NCF4: variants seen among roughly 807,000 people sequenced by gnomAD.
NCF4 encodes the protein neutrophil cytosolic factor 4.
In NCF4, 30 loss-of-function variants were observed where a neutral mutation model predicts 41.7. The observed-to-expected ratio is 0.72, with a 90% CI of 0.54 to 0.97. The LOEUF is 0.97. NCF4 is among the 50% of genes least tolerant of loss of function. NCF4 has a pLI of 0.00. For missense variants in NCF4, 432 were observed against 460.9 expected, an observed-to-expected ratio of 0.94 and a Z score of 0.57; for synonymous variants, 195 against 175.8, an observed-to-expected ratio of 1.11 and a Z score of -0.87.
At chr22:36,863,093 C>G (rs1939818193) in intron 1 of NCF4, among the ~76,000 whole-genome samples, 1 of 152,160 alleles carries the variant, frequency 6.6e-6, no homozygotes, top group South Asian at 2.1e-4. Context: ...TTGCCCGCCC[C>G]ACAGGCAGCC....
At chr22:36,861,993 C>G (rs1425452339) in intron 1 of NCF4, among the ~76,000 whole-genome samples, 1 of 152,242 alleles carries the variant, frequency 6.6e-6, no homozygotes, top group South Asian at 2.1e-4. Context: ...AAGAGACTTA[C>G]TCAGGGTCAC....
At position 36,867,474 on chromosome 22, in the gene NCF4, C is replaced by A. The variant is rs367636183; in HGVS notation, c.342+12C>A. On this transcript the variant is annotated intron_variant, in intron 4 of 9. Transcript: ENST00000248899. ...ACGCCTACATGAAGGTACCAGTGGG[C>A]CTTGCCACCTTGGCACGTGGAAGGG... 1.9e-6 allele frequency: 3 copies of A among 1,613,960 alleles called. No homozygotes were observed. The highest frequency in any genetic ancestry group is 2.5e-6 in the Non-Finnish European group (3 of 1,179,846).
chr22:36,870,131 C>G (rs1299776965), intron 4 of NCF4: 1 of 477,866 alleles, frequency 2.1e-6, no homozygotes, highest in African/African-American at 2.0e-5. Context: ...GTTGTCATCA[C>G]CATTACTGCT....
chr22:36,867,674 A>G (rs1221180814), intron 4 of NCF4, among the ~76,000 whole-genome samples: 1 of 152,174 alleles, frequency 6.6e-6, no homozygotes, highest in Non-Finnish European at 1.5e-5. Flanking sequence ...CGGAGAAGGT[A>G]AAAGAGCCAC....
chr22:36,877,997 C>A lies in NCF4; in HGVS notation c.*174C>A. The A allele has an allele frequency of 3.0e-6, 2 of 672,392 alleles. No individual in the cohort carries two copies. The highest frequency in any genetic ancestry group is 2.9e-5 in the Admixed American group (1 of 34,716). 41.7% of individuals were successfully genotyped at this position (672,392 alleles called of 1,614,324 possible). A position where few individuals can be genotyped will look rare whatever the true frequency, so the allele number is the denominator to read the frequency against. On this transcript the variant is annotated 3_prime_UTR_variant, in exon 10 of 10. Coordinates refer to ENST00000248899, the MANE Select transcript of NCF4 (RefSeq NM_000631.5). ...ACTATTTACATCTGATTTAAATAAA[C>A]CATTCCATCTGAAAGGGGCAGGCTG...
chr22:36,872,574 AG>A (rs1490885881), intron 7 of NCF4, 149 bp downstream of exon 7: 2 of 653,580 alleles, frequency 3.1e-6, no homozygotes. Flanking sequence ...TGGAGGTAAG[AG>A]TGGAGGTGAG....
intron 1 of NCF4, among the ~76,000 whole-genome samples, chr22:36,862,146 C>T (rs1939788873): frequency 6.6e-6 from 1 of 152,202 alleles, no homozygotes; most frequent in Admixed American, 6.5e-5. Context: ...CAAAGCCTGG[C>T]CCCTGCACCC....
In NCF4 at chr22:36,877,869, T is replaced by G. The variant is rs1940228881; in HGVS notation, c.*46T>G. The G allele has an allele frequency of 1.3e-6, 2 of 1,560,114 alleles. No individual in the cohort carries two copies. The highest frequency in any genetic ancestry group is 4.7e-5 in the East Asian group (2 of 42,628). On this transcript the variant is annotated 3_prime_UTR_variant, in exon 10 of 10. Transcript: ENST00000248899. ...AGTGAGGGGACACCAGCAAAAACCTTCAGCTCTCAGAGGAGATTGGGACCA... is the reference window on the plus strand; with the variant it reads ...AGTGAGGGGACACCAGCAAAAACCTGCAGCTCTCAGAGGAGATTGGGACCA...
At chr22:36,867,329 C>T (rs1198885623) in intron 3 of NCF4, 63 bp from the exon 4 acceptor site, 3 of 1,572,672 alleles carry the variant, frequency 1.9e-6, no homozygotes, top group Non-Finnish European at 2.6e-6. Context: ...CCTGTAGGGG[C>T]AGCCCTGAGC....
chr22:36,876,494 C>T (rs1940196780), intron 9 of NCF4, among the ~76,000 whole-genome samples: 1 of 152,152 alleles, frequency 6.6e-6, no homozygotes, highest in Non-Finnish European at 1.5e-5. Context: ...TGTACCAACT[C>T]ATTATATATT....
chr22:36,871,364 A>G (rs1389996190), intron 5 of NCF4, among the ~76,000 whole-genome samples: 1 of 152,164 alleles, frequency 6.6e-6, no homozygotes, highest in East Asian at 1.9e-4. Flanking sequence ...ACATCTGAAC[A>G]CTTTGGCAAG....
intron 8 of NCF4, 63 bp downstream of exon 8, chr22:36,875,846 T>G: frequency 6.2e-7 from 1 of 1,613,916 alleles, no homozygotes; most frequent in Non-Finnish European, 8.5e-7. Context: ...CCACTGCCCC[T>G]CACATCACCT....
chr22:36,865,103 G>T lies in NCF4; in HGVS notation c.271+31G>T, dbSNP rs1233333138. The T allele has an allele frequency of 1.2e-6, 2 of 1,603,914 alleles. No homozygotes were observed. The highest frequency in any genetic ancestry group is 2.2e-5 in the East Asian group (1 of 44,872). ...CGGCCACTCCCGTCCTGCTGCTGCAGAGCTGCTGACTCTCCTTCCTTCCAG... is the reference window on the plus strand; with the variant it reads ...CGGCCACTCCCGTCCTGCTGCTGCATAGCTGCTGACTCTCCTTCCTTCCAG... On this transcript the variant is annotated intron_variant, in intron 3 of 9. Coordinates refer to ENST00000248899, the MANE Select transcript of NCF4 (RefSeq NM_000631.5). This position sits in a 1 kb window ranked among gnomAD's most constrained non-coding sequence, Gnocchi z 4.3.
rs186518056 is a variant in NCF4 at position 36,863,572 on chromosome 22, C to T, written c.33-473C>T. Among the ~76,000 whole-genome samples, 34 of 151,478 alleles carry T rather than the reference C, an allele frequency of 2.2e-4. No homozygotes were observed. In the East Asian group the frequency reaches 6.5e-3, roughly 29 times the overall value. ...ATCACGTTCCACCTCCTGCTCTGTGCTCCAGCCATGCTCAGCAACCTGCGG... is the reference window on the plus strand; with the variant it reads ...ATCACGTTCCACCTCCTGCTCTGTGTTCCAGCCATGCTCAGCAACCTGCGG... On this transcript the variant is annotated intron_variant, in intron 1 of 9. Coordinates refer to ENST00000248899, the MANE Select transcript of NCF4 (RefSeq NM_000631.5).
intron 3 of NCF4, among the ~76,000 whole-genome samples, chr22:36,866,725 G>A (rs1044092607): frequency 7.9e-5 from 12 of 152,084 alleles, no homozygotes; most frequent in African/African-American, 1.9e-4. Flanking sequence ...CCACCAGTGC[G>A]CCCACATGAA....
intron 5 of NCF4, among the ~76,000 whole-genome samples, chr22:36,871,045 G>A (rs1241125544): frequency 6.6e-6 from 1 of 152,198 alleles, no homozygotes; most frequent in Non-Finnish European, 1.5e-5. Flanking sequence ...GCCACTCGTA[G>A]ACTGCTGGGC....
chr22:36,864,953 C>A lies in NCF4; in HGVS notation c.152C>A (p.Ser51Tyr). 6.2e-7 allele frequency: 1 copy of A among 1,614,078 alleles called. No individual in the cohort carries two copies. Among genetic ancestry groups the A allele is most frequent in the South Asian group, 1.1e-5 (1 of 91,080 alleles). ...ATCGAGGTGAAGACAAAAGGAGGAT[C>A]CAAGTACCTCATCTACCGCCGCTAC... is the stretch of plus-strand genomic sequence containing the variant. ...FVIEVKTKGG[S>Y]KYLIYRRYRQ... The change falls in exon 3 of 10, where the codon TCC becomes TAC. Residue 51 changes from serine to tyrosine, a missense_variant. Physicochemically the swap from Ser to Tyr is moderately radical, Grantham distance 144. Coordinates refer to ENST00000248899, the MANE Select transcript of NCF4 (RefSeq NM_000631.5).
At position 36,877,729 on chromosome 22, in the gene NCF4, A is replaced by G; in HGVS notation, c.926A>G (p.Gln309Arg). The change falls in exon 10 of 10, where the codon CAG (glutamine) becomes CGG (arginine). Residue 309 changes from glutamine to arginine, a missense_variant. By Grantham distance (43) the Gln-to-Arg change is conservative. Transcript: ENST00000248899. Reference protein sequence around the residue: ...SDEDVALMVRQARGLPSQKRL... With the variant: ...SDEDVALMVRRARGLPSQKRL... ...GAGGACGTAGCGCTCATGGTGCGGC[A>G]GGCTCGTGGCCTCCCCTCCCAGAAG... 6.2e-7 allele frequency: 1 copy of G among 1,614,108 alleles called. No individual in the cohort carries two copies. The highest frequency in any genetic ancestry group is 8.5e-7 in the Non-Finnish European group (1 of 1,180,030).
Position 36,873,594 on chromosome 22 carries a change from C to A in NCF4, c.627+1169C>A, listed in dbSNP as rs1262570239. 3.3e-5 allele frequency among the ~76,000 whole-genome samples: 5 copies of A among 152,126 alleles called. No homozygotes were observed. In the South Asian group the frequency reaches 8.3e-4, roughly 25 times the overall value. On this transcript the variant is annotated intron_variant, in intron 7 of 9. Transcript: ENST00000248899. ...AGGTGTTCGGTGGCAGCAGAACATT[C>A]TTGGAGCTCATGCTTTGGTTCTGAC...
Sources: gnomAD v4.1 joint callset for allele counts (sites outside exome capture counted in the v4.1 genomes callset) on GRCh38, gnomAD v4.1.1 for gene constraint, Gnocchi (gnomAD v3.1) non-coding constraint, MANE v1.5 for transcripts, NCBI Gene and HGNC (gene_info 2026-07-23, HGNC 2026-07-21) for gene names.